Variants in TOX4 observed in about 807,000 individuals in gnomAD.
TOX4 encodes TOX high mobility group box family member 4.
A neutral mutation model predicts 61.0 loss-of-function variants in TOX4; 12 were observed. That is an observed-to-expected ratio of 0.20 (90% CI 0.13 to 0.32). The LOEUF is 0.32. TOX4 is among the 10% of genes least tolerant of loss of function. The pLI is 1.00. For missense variants in TOX4, 499 were observed against 753.3 expected (o/e 0.66, Z 3.95); for synonymous variants, 268 against 274.8 (o/e 0.98, Z 0.24).
rs1341251052 is a variant in TOX4 at position 21,497,463 on chromosome 14, C to T, written c.*857C>T. On this transcript the variant is annotated 3_prime_UTR_variant, in exon 9 of 9. Coordinates refer to ENST00000448790, the MANE Select transcript of TOX4 (RefSeq NM_014828.4). ...GAATGCTGTCCTAGAGAACCTCCTCCTCAACCAGCTACGTACATAGTTTTA... is the reference window on the plus strand; with the variant it reads ...GAATGCTGTCCTAGAGAACCTCCTCTTCAACCAGCTACGTACATAGTTTTA... 1.3e-5 allele frequency: 2 copies of T among 151,746 alleles called. No individual in the cohort carries two copies. Among genetic ancestry groups the T allele is most frequent in the East Asian group, 1.9e-4 (1 of 5,190 alleles). 9.4% of individuals were successfully genotyped at this position (151,746 alleles called of 1,614,324 possible). A position where few individuals can be genotyped will look rare whatever the true frequency, so the allele number is the denominator to read the frequency against.
At chr14:21,478,424 TC>T (rs1891046080) in intron 2 of TOX4, among the ~76,000 whole-genome samples, 1 of 152,248 alleles carries the variant, frequency 6.6e-6, no homozygotes, top group Admixed American at 6.5e-5. Flanking sequence ...TGTCACAGTT[TC>T]CCCAGCTGTC....
rs1388523084 is a variant in TOX4 at position 21,498,502 on chromosome 14, TTAGAA to T, written c.*1900_*1904del. On this transcript the variant is annotated 3_prime_UTR_variant, in exon 9 of 9. Coordinates refer to ENST00000448790, the MANE Select transcript of TOX4 (RefSeq NM_014828.4). ...TGCCAATTCTAAAAAGAGCTTAACA[TTAGAA>T]TAGTATATGGTAGAATTACTAGTTC... is the stretch of plus-strand genomic sequence containing the variant. 10 of 793,932 alleles carry T rather than the reference TTAGAA, an allele frequency of 1.3e-5. No homozygotes were observed. The highest frequency in any genetic ancestry group is 2.0e-5 in the Non-Finnish European group (10 of 494,944). 49.2% of individuals were successfully genotyped at this position (793,932 alleles called of 1,614,324 possible).
At chr14:21,482,398 C>G (rs1455544715) in intron 2 of TOX4, among the ~76,000 whole-genome samples, 1 of 152,090 alleles carries the variant, frequency 6.6e-6, no homozygotes, top group African/African-American at 2.4e-5. Context: ...ATAAATTTCT[C>G]TAAAGTGAAT....
intron 3 of TOX4, 88 bp downstream of exon 3, chr14:21,487,781 G>T: frequency 1.4e-6 from 2 of 1,401,778 alleles, no homozygotes; most frequent in South Asian, 1.7e-5. Flanking sequence ...GCTACACTTG[G>T]GTATTACTTG....
intron 5 of TOX4, among the ~76,000 whole-genome samples, chr14:21,490,686 G>A (rs994371707): frequency 6.6e-6 from 1 of 152,016 alleles, no homozygotes; most frequent in Non-Finnish European, 1.5e-5. Flanking sequence ...TCCTCATGTA[G>A]TGTCCTTCTG....
intron 2 of TOX4, among the ~76,000 whole-genome samples, chr14:21,477,952 T>C (rs1010675987): frequency 2.6e-5 from 4 of 152,200 alleles, no homozygotes; most frequent in African/African-American, 4.8e-5. Flanking sequence ...TTTCTTTTGT[T>C]TTGAGACAGA....
chr14:21,479,081 G>A (rs960785312), intron 2 of TOX4, among the ~76,000 whole-genome samples: 1 of 150,522 alleles, frequency 6.6e-6, no homozygotes, highest in African/African-American at 2.5e-5. Flanking sequence ...AAAGTGCTAG[G>A]ATTACAGGCA....
intron 3 of TOX4, chr14:21,488,273 G>T (rs186896934): frequency 6.6e-5 from 17 of 256,796 alleles, no homozygotes; most frequent in Non-Finnish European, 9.0e-5. Context: ...GTACAGATAG[G>T]AAGTTTTTCT....
In TOX4 at chr14:21,495,577, T is replaced by C. The variant is rs1245885936; in HGVS notation, c.1805+185T>C. On this transcript the variant is annotated intron_variant, in intron 8 of 8. Transcript: ENST00000448790. ...TTACATTTGCCACATAAGCCAAAGA[T>C]GATGTAATCAGCAGTTCACATTTTT... The C allele has an allele frequency of 5.2e-6, 3 of 574,326 alleles. No homozygotes were observed. In the South Asian group the frequency reaches 7.1e-5, roughly 14 times the overall value. 35.6% of individuals were successfully genotyped at this position (574,326 alleles called of 1,614,324 possible).
At chr14:21,492,082 G>A (rs1028567545) in intron 5 of TOX4, 6 of 458,818 alleles carry the variant, frequency 1.3e-5, no homozygotes, top group Non-Finnish European at 2.0e-5. Flanking sequence ...CCAGACTCCT[G>A]TCGATTGGTT....
Position 21,480,746 on chromosome 14 carries a change from A to G in TOX4, c.75+3182A>G, listed in dbSNP as rs117084534. Among the ~76,000 whole-genome samples, 64 of 152,338 alleles carry G rather than the reference A, an allele frequency of 4.2e-4. 1 individual carries two copies. In the East Asian group the frequency reaches 0.012, roughly 29 times the overall value. On this transcript the variant is annotated intron_variant, in intron 2 of 8. Coordinates refer to ENST00000448790, the MANE Select transcript of TOX4 (RefSeq NM_014828.4). ...TTTACAATACATATATCTAACTCAT[A>G]TTCAGAATATATCAAGTACTTCTGC...
intron 8 of TOX4, 34 bp from the exon 9 acceptor site, chr14:21,496,512 T>C (rs1891406478): frequency 6.3e-7 from 1 of 1,585,646 alleles, no homozygotes. Flanking sequence ...AGTTTGTGTA[T>C]AATTCTGTTT....
Position 21,498,494 on chromosome 14 carries a change from G to T in TOX4, c.*1888G>T. ...ATCAAATATGCCAATTCTAAAAAGA[G>T]CTTAACATTAGAATAGTATATGGTA... On this transcript the variant is annotated 3_prime_UTR_variant, in exon 9 of 9. Coordinates refer to ENST00000448790, the MANE Select transcript of TOX4 (RefSeq NM_014828.4). 2.3e-6 allele frequency: 2 copies of T among 859,522 alleles called. No homozygotes were observed. Among genetic ancestry groups the T allele is most frequent in the Non-Finnish European group, 3.6e-6 (2 of 549,156 alleles). The allele number at this position is 859,522 out of a possible 1,614,324, so 53.2% of individuals were successfully genotyped here.
chr14:21,489,187 G>C lies in TOX4; in HGVS notation c.594G>C (p.Gln198His). ...CTCTCCTACAGCAACTTCCCAGCCAGAAGACAGTCGTGGTGGAAGCAGGGA... is the reference window on the plus strand; with the variant it reads ...CTCTCCTACAGCAACTTCCCAGCCACAAGACAGTCGTGGTGGAAGCAGGGA... ...VEDFRRQLPS[Q>H]KTVVVEAGKK... Residue 198 changes from glutamine to histidine, a missense_variant, in exon 5 of 9, where the codon CAG (glutamine) becomes CAC (histidine). Transcript: ENST00000448790. The C allele has an allele frequency of 6.2e-7, 1 of 1,613,784 alleles. No homozygotes were observed. Among genetic ancestry groups the C allele is most frequent in the Admixed American group, 1.7e-5 (1 of 59,898 alleles).
rs1190791200 is a variant in TOX4 at position 21,498,501 on chromosome 14, ATT to A, written c.*1896_*1897del. On this transcript the variant is annotated 3_prime_UTR_variant, in exon 9 of 9. Coordinates refer to ENST00000448790, the MANE Select transcript of TOX4 (RefSeq NM_014828.4). ...ATGCCAATTCTAAAAAGAGCTTAAC[ATT>A]AGAATAGTATATGGTAGAATTACTA... 27 of 796,642 alleles carry A rather than the reference ATT, an allele frequency of 3.4e-5. No individual in the cohort carries two copies. The African/African-American group carries it at 4.7e-4, about 14-fold the overall frequency. 49.3% of individuals were successfully genotyped at this position (796,642 alleles called of 1,614,324 possible).
At chr14:21,477,444 C>G in intron 1 of TOX4, 52 bp from the exon 2 acceptor site, 1 of 1,611,026 alleles carries the variant, frequency 6.2e-7, no homozygotes, top group Non-Finnish European at 8.5e-7. Flanking sequence ...TCGCTCCAAG[C>G]TGACTCCCTG....
chr14:21,489,972 A>G (rs560971880), intron 5 of TOX4, among the ~76,000 whole-genome samples: 2 of 151,530 alleles, frequency 1.3e-5, no homozygotes, highest in African/African-American at 4.8e-5. Context: ...GCTTGAGCCC[A>G]TGAGTTCGAG....
Position 21,498,819 on chromosome 14 carries a change from G to C in TOX4, c.*2213G>C, listed in dbSNP as rs1011728032. On this transcript the variant is annotated 3_prime_UTR_variant, in exon 9 of 9. Coordinates refer to ENST00000448790, the MANE Select transcript of TOX4 (RefSeq NM_014828.4). The stretch of plus-strand genomic sequence containing the variant: ...AAGAGAGTAGAAACCCTAGGGAGCA[G>C]TGCTTTTGGGTCCTAGAACCTGTTG... The C allele has an allele frequency of 1.3e-5, 7 of 556,846 alleles. No individual in the cohort carries two copies. Among genetic ancestry groups the C allele is most frequent in the Non-Finnish European group, 1.9e-5 (6 of 312,400 alleles). 34.5% of individuals were successfully genotyped at this position (556,846 alleles called of 1,614,324 possible).
chr14:21,488,258 G>C lies in TOX4; in HGVS notation c.319-332G>C, dbSNP rs182892151. The C allele has an allele frequency of 3.5e-5, 8 of 225,678 alleles. No individual in the cohort carries two copies. The East Asian group carries it at 8.2e-4, about 23-fold the overall frequency. 14.0% of individuals were successfully genotyped at this position (225,678 alleles called of 1,614,324 possible). A position where few individuals can be genotyped will look rare whatever the true frequency, so the allele number is the denominator to read the frequency against. On this transcript the variant is annotated intron_variant, in intron 3 of 8. Coordinates refer to ENST00000448790, the MANE Select transcript of TOX4 (RefSeq NM_014828.4). ...TACAATTTTAAAAGCTATTATTTTG[G>C]GAGAGTACAGATAGGAAGTTTTTCT...
Sources: gnomAD v4.1 joint callset for allele counts (sites outside exome capture counted in the v4.1 genomes callset) on GRCh38, gnomAD v4.1.1 for gene constraint, MANE v1.5 for transcripts, NCBI Gene and HGNC (gene_info 2026-07-23, HGNC 2026-07-21) for gene names.